Variants in LAMA1 observed in about 807,000 individuals in gnomAD.
The protein encoded by LAMA1 is laminin subunit alpha-1.
LAMA1 carries 219 observed loss-of-function variants against 348.7 expected under a neutral mutation model. The observed-to-expected ratio is 0.63, with a 90% CI of 0.56 to 0.70. The LOEUF is 0.70. LAMA1 is among the 30% of genes least tolerant of loss of function. The pLI is 0.00. For synonymous variants in LAMA1, 1,487 were observed against 1,491.0 expected, an observed-to-expected ratio of 1.00 and a Z score of 0.06; for missense variants, 3,744 against 3,888.0, an observed-to-expected ratio of 0.96 and a Z score of 0.99.
At chr18:7,018,373 T>C (rs2057899056) in intron 19 of LAMA1, among the ~76,000 whole-genome samples, 1 of 147,710 alleles carries the variant, frequency 6.8e-6, no homozygotes, top group Admixed American at 6.7e-5. Context: ...ATTTAATATG[T>C]TGCCTGACAA....
chr18:7,055,890 G>T (rs1410537352), intron 3 of LAMA1, among the ~76,000 whole-genome samples: 1 of 151,906 alleles, frequency 6.6e-6, no homozygotes, highest in East Asian at 1.9e-4. Context: ...GACCATCCTG[G>T]CTAACACAGT....
intron 3 of LAMA1, among the ~76,000 whole-genome samples, chr18:7,068,819 A>C (rs2058134088): frequency 1.3e-5 from 2 of 152,196 alleles, no homozygotes; most frequent in Admixed American, 1.3e-4. Flanking sequence ...GCTAGAATGG[A>C]TACCAAACTG....
At chr18:7,098,692 G>GC (rs1411591735) in intron 1 of LAMA1, among the ~76,000 whole-genome samples, 3 of 147,168 alleles carry the variant, frequency 2.0e-5, no homozygotes, top group African/African-American at 7.5e-5. Context: ...TCTCCGCCCG[G>GC]CAGCCACCCC....
intron 48 of LAMA1, among the ~76,000 whole-genome samples, chr18:6,968,447 A>G (rs1307136738): frequency 2.0e-5 from 3 of 152,120 alleles, no homozygotes; most frequent in Non-Finnish European, 4.4e-5. Flanking sequence ...TCTGCTTTCT[A>G]TACAGGCATT....
intron 9 of LAMA1, among the ~76,000 whole-genome samples, chr18:7,041,299 A>G (rs868550570): frequency 1.2e-4 from 18 of 152,290 alleles, no homozygotes; most frequent in Admixed American, 2.0e-4. Context: ...TCTATCTGCT[A>G]TGGTTGCAAA....
intron 55 of LAMA1, among the ~76,000 whole-genome samples, chr18:6,957,722 A>G (rs2057586445): frequency 6.6e-6 from 1 of 152,162 alleles, no homozygotes; most frequent in African/African-American, 2.4e-5. Flanking sequence ...TGAACTGCTC[A>G]TGGGCACATG....
intron 11 of LAMA1, among the ~76,000 whole-genome samples, chr18:7,038,342 C>T (rs985550998): frequency 6.6e-6 from 1 of 152,136 alleles, no homozygotes; most frequent in Admixed American, 6.5e-5. Flanking sequence ...CCCAGAACTC[C>T]CTGTTCCGGA....
At chr18:7,078,086 A>C (rs1180125026) in intron 3 of LAMA1, among the ~76,000 whole-genome samples, 2 of 150,544 alleles carry the variant, frequency 1.3e-5, no homozygotes, top group Admixed American at 6.6e-5. Flanking sequence ...AAAAACAAAA[A>C]ACAAAACACA....
intron 46 of LAMA1, among the ~76,000 whole-genome samples, chr18:6,973,968 A>G (rs2057669997): frequency 6.6e-6 from 1 of 152,060 alleles, no homozygotes; most frequent in South Asian, 2.1e-4. Flanking sequence ...TTTTTTAGAG[A>G]CAGAGTCTCA....
rs1391227753 is a variant in LAMA1 at position 7,098,770 on chromosome 18, G to T, written c.62-18313C>A. 1.6e-3 allele frequency among the ~76,000 whole-genome samples: 206 copies of T among 128,364 alleles called. 18 individuals are homozygous for T. The East Asian group carries it at 0.037, about 23-fold the overall frequency. 84.2% of individuals were successfully genotyped at this position (128,364 alleles called of 152,430 possible). On this transcript the variant is annotated intron_variant, in intron 1 of 62. Transcript: ENST00000389658. Reference sequence around the variant, plus strand: ...CCACCCCGTCCAGGAGGTGAGGGGCGCCTCTGCCCGGCCACCCCTACTGGG... The same window carrying T: ...CCACCCCGTCCAGGAGGTGAGGGGCTCCTCTGCCCGGCCACCCCTACTGGG...
chr18:6,942,064 G>A lies in LAMA1; in HGVS notation c.*15C>T, dbSNP rs757601875. 18 of 1,613,786 alleles carry A rather than the reference G, an allele frequency of 1.1e-5. No homozygotes were observed. Among genetic ancestry groups the A allele is most frequent in the Non-Finnish European group, 1.4e-5 (17 of 1,179,902 alleles). Reference sequence around the variant, plus strand: ...AATATTAGCAATGATTCCAACTGAGGATTCTGCTTGAAGTTCAGGACTCGG... The same window carrying A: ...AATATTAGCAATGATTCCAACTGAGAATTCTGCTTGAAGTTCAGGACTCGG... On this transcript the variant is annotated 3_prime_UTR_variant, in exon 63 of 63. Transcript: ENST00000389658.
rs377014414 is a variant in LAMA1, at chr18:7,023,188, C to T, written c.2677G>A (p.Ala893Thr). 7.9e-5 allele frequency: 127 copies of T among 1,612,848 alleles called. No homozygotes were observed. Among genetic ancestry groups the T allele is most frequent in the Non-Finnish European group, 1.0e-4 (119 of 1,179,880 alleles). ...ERCADGFYGD[A>T]VTAKNCRACE... is the part of the protein sequence containing the mutation. ...CCGCGGCAGTTCTTGGCTGTCACAG[C>T]GTCCCCATAGAACCCGTCAGCACAC... The change falls in exon 19 of 63, where the codon GCT (alanine) becomes ACT (threonine). Residue 893 changes from alanine (A) to threonine (T), a missense_variant. This residue lies in a region of LAMA1 where 1,529 missense variants were observed against 1,689.4 expected (regional missense o/e 0.91). Coordinates refer to ENST00000389658, the MANE Select transcript of LAMA1 (RefSeq NM_005559.4).
At chr18:7,107,439 G>A (rs1038317200) in intron 1 of LAMA1, among the ~76,000 whole-genome samples, 3 of 152,036 alleles carry the variant, frequency 2.0e-5, no homozygotes, top group African/African-American at 7.2e-5. Flanking sequence ...TTTGATATAT[G>A]CACTTTTCAG....
chr18:7,039,977 C>T (rs2058013166), intron 10 of LAMA1, 99 bp downstream of exon 10: 2 of 1,395,242 alleles, frequency 1.4e-6, no homozygotes, highest in Non-Finnish European at 2.0e-6. Context: ...TAAACCTTAC[C>T]ACTTTGCTCA....
intron 30 of LAMA1, among the ~76,000 whole-genome samples, chr18:7,000,759 G>T (rs188491810): frequency 6.6e-6 from 1 of 152,150 alleles, no homozygotes; most frequent in Admixed American, 6.5e-5. Context: ...GCCAAGTCTG[G>T]TTCCTTTTCG....
chr18:6,982,959 T>C (rs1331032623), intron 40 of LAMA1, 140 bp downstream of exon 40: 12 of 1,102,380 alleles, frequency 1.1e-5, no homozygotes, highest in Non-Finnish European at 1.5e-5. Flanking sequence ...ACACAGATCA[T>C]ATGATGACAG....
At chr18:6,973,292 C>G (rs113121097) in intron 46 of LAMA1, 85 bp from the exon 47 acceptor site, 16 of 1,288,626 alleles carry the variant, frequency 1.2e-5, no homozygotes, top group African/African-American at 1.2e-4. Flanking sequence ...CACCCACCAT[C>G]TGCTTCTCCC....
At chr18:7,037,855 C>T in intron 11 of LAMA1, 104 bp from the exon 12 acceptor site, 2 of 1,189,866 alleles carry the variant, frequency 1.7e-6, no homozygotes, top group Non-Finnish European at 2.4e-6. Flanking sequence ...GGCCAGAAAG[C>T]TTCTCTAGGG....
At chr18:6,983,008 G>A in intron 40 of LAMA1, 91 bp downstream of exon 40, 1 of 1,494,092 alleles carries the variant, frequency 6.7e-7, no homozygotes, top group Non-Finnish European at 9.3e-7. Context: ...AATGTTAATA[G>A]GCAGAAATTG....
Sources: gnomAD v4.1 joint callset for allele counts (sites outside exome capture counted in the v4.1 genomes callset) on GRCh38, gnomAD v4.1.1 for gene constraint, gnomAD v4.1.1 regional missense constraint, MANE v1.5 for transcripts, NCBI Gene and HGNC (gene_info 2026-07-23, HGNC 2026-07-21) for gene names.